Variants in NAA11 observed in about 807,000 individuals in gnomAD.
NAA11 encodes N-alpha-acetyltransferase 11.
A neutral mutation model predicts 16.1 loss-of-function variants in NAA11; 15 were observed. That is an observed-to-expected ratio of 0.93 (90% CI 0.62 to 1.44). The LOEUF is 1.44. Among genes scored for constraint, NAA11 ranks in the 40% most tolerant of loss-of-function variants. The pLI is 0.00. For missense variants in NAA11, 298 were observed against 291.3 expected, an observed-to-expected ratio of 1.02 and a Z score of -0.17; for synonymous variants, 122 against 112.4, an observed-to-expected ratio of 1.09 and a Z score of -0.54.
At chr4:79,272,675 A>T (rs1485898583) in intron 2 of NAA11, among the ~76,000 whole-genome samples, 1 of 152,070 alleles carries the variant, frequency 6.6e-6, no homozygotes, top group Non-Finnish European at 1.5e-5. Flanking sequence ...AGTATTATAG[A>T]GTAATGCTAA....
At chr4:79,277,347 G>A (rs1391718515) in intron 2 of NAA11, among the ~76,000 whole-genome samples, 1 of 152,014 alleles carries the variant, frequency 6.6e-6, no homozygotes, top group Non-Finnish European at 1.5e-5. Context: ...TCATAAAAAT[G>A]GCACTTACTA....
rs763918885 is a variant in NAA11 at position 79,325,384 on chromosome 4, T to C, written c.494A>G (p.Lys165Arg). 5 of 1,614,094 alleles carry C rather than the reference T, an allele frequency of 3.1e-6. No homozygotes were observed. Among genetic ancestry groups the C allele is most frequent in the South Asian group, 1.1e-5 (1 of 91,080 alleles). The change falls in exon 1 of 2, where the codon AAG (lysine) becomes AGG (arginine). Residue 165 changes from lysine to arginine, a missense_variant. Coordinates refer to ENST00000286794, the MANE Select transcript of NAA11 (RefSeq NM_032693.3). Reference sequence around the variant, plus strand: ...GCCCAGGACCACATACCCGCCCTTCTTCAGGTCCATTTGTCGTCTCAGCTC... The same window carrying C: ...GCCCAGGACCACATACCCGCCCTTCCTCAGGTCCATTTGTCGTCTCAGCTC... ...ADELRRQMDL[K>R]KGGYVVLGSR... is the part of the protein sequence containing the mutation.
chr4:79,287,834 A>C (rs1722978212), intron 2 of NAA11, among the ~76,000 whole-genome samples: 1 of 152,256 alleles, frequency 6.6e-6, no homozygotes, highest in Non-Finnish European at 1.5e-5. Context: ...GCATTTTCCC[A>C]CATTTTTTTC....
the NAA11 span, among the ~76,000 whole-genome samples, chr4:79,207,697 G>A: frequency 6.6e-6 from 1 of 152,102 alleles, no homozygotes; most frequent in African/African-American, 2.4e-5. Flanking sequence ...GATCAAGAAA[G>A]TTACACTTCA....
chr4:79,318,784 T>A (rs1416456121), intron 1 of NAA11, among the ~76,000 whole-genome samples: 1 of 152,208 alleles, frequency 6.6e-6, no homozygotes, highest in African/African-American at 2.4e-5. Flanking sequence ...GTTTTAGTTA[T>A]CTCAGTAAAT....
chr4:79,157,510 T>C, the NAA11 span, among the ~76,000 whole-genome samples: 2 of 151,966 alleles, frequency 1.3e-5, no homozygotes, highest in East Asian at 1.9e-4. Flanking sequence ...TATATGTATG[T>C]ATATATACAT....
At chr4:79,283,176 T>C (rs1034614216) in intron 2 of NAA11, among the ~76,000 whole-genome samples, 1 of 151,862 alleles carries the variant, frequency 6.6e-6, no homozygotes, top group Non-Finnish European at 1.5e-5. Context: ...AAATAGAAGG[T>C]AATGCAATAG....
chr4:79,192,817 T>C, the NAA11 span, among the ~76,000 whole-genome samples: 2 of 150,144 alleles, frequency 1.3e-5, no homozygotes, highest in Non-Finnish European at 3.0e-5. Flanking sequence ...ACTTCCACAA[T>C]GGTTGAACTA....
At chr4:79,252,808 C>T (rs1048799278) in intron 2 of NAA11, among the ~76,000 whole-genome samples, 1 of 152,116 alleles carries the variant, frequency 6.6e-6, no homozygotes, top group Non-Finnish European at 1.5e-5. Context: ...TCACACAGGT[C>T]CCTGAGGGCC....
chr4:79,173,368 C>A, the NAA11 span, among the ~76,000 whole-genome samples: 2 of 152,018 alleles, frequency 1.3e-5, no homozygotes, highest in African/African-American at 4.8e-5. Flanking sequence ...ACATTTTATA[C>A]TCACTGGGAG....
intron 2 of NAA11, among the ~76,000 whole-genome samples, chr4:79,268,367 A>G (rs1358900697): frequency 2.6e-5 from 4 of 152,160 alleles, no homozygotes; most frequent in Non-Finnish European, 5.9e-5. Flanking sequence ...TTTAGTATGA[A>G]TGAAAGATTG....
intron 2 of NAA11, among the ~76,000 whole-genome samples, chr4:79,287,718 C>A (rs1035670455): frequency 2.6e-5 from 4 of 151,732 alleles, no homozygotes; most frequent in African/African-American, 9.7e-5. Flanking sequence ...AGAGAGAGCA[C>A]CCCTGGAATT....
At chr4:79,231,677 C>T (rs1330364980) in intron 2 of NAA11, among the ~76,000 whole-genome samples, 1 of 151,774 alleles carries the variant, frequency 6.6e-6, no homozygotes, top group Admixed American at 6.6e-5. Flanking sequence ...ATAATATGTG[C>T]ATCCTAATGA....
chr4:79,173,898 G>A, the NAA11 span, among the ~76,000 whole-genome samples: 13 of 152,266 alleles, frequency 8.5e-5, no homozygotes, highest in South Asian at 6.2e-4. Flanking sequence ...TTGAGCCATT[G>A]AAGTTTGGGG....
the NAA11 span, among the ~76,000 whole-genome samples, chr4:79,195,278 C>T: frequency 2.6e-5 from 4 of 152,038 alleles, no homozygotes; most frequent in Admixed American, 6.6e-5. Context: ...ACAGCAAATG[C>T]TCACTTAGCA....
chr4:79,264,344 T>A (rs181286753), intron 2 of NAA11, among the ~76,000 whole-genome samples: 85 of 152,322 alleles, frequency 5.6e-4, no homozygotes, highest in Middle Eastern at 3.4e-3. Flanking sequence ...TAAATTTTTT[T>A]AAAAATTTGT....
intron 1 of NAA11, among the ~76,000 whole-genome samples, chr4:79,296,295 G>A (rs1723219230): frequency 6.6e-6 from 1 of 152,172 alleles, no homozygotes; most frequent in Admixed American, 6.5e-5. Flanking sequence ...AACTTGTCCA[G>A]AGTTACACAG....
intron 2 of NAA11, among the ~76,000 whole-genome samples, chr4:79,284,495 A>G (rs191300111): frequency 6.6e-6 from 1 of 152,240 alleles, no homozygotes; most frequent in East Asian, 1.9e-4. Flanking sequence ...TAAAAAATCT[A>G]CCATTAGTCA....
At chr4:79,266,237 G>A (rs889557196) in intron 2 of NAA11, among the ~76,000 whole-genome samples, 8 of 152,136 alleles carry the variant, frequency 5.3e-5, no homozygotes, top group African/African-American at 1.7e-4. Context: ...ATCGGCACTC[G>A]CAGAGATAAA....
Sources: allele counts gnomAD v4.1 joint callset (sites outside exome capture counted in the v4.1 genomes callset), GRCh38; gene constraint gnomAD v4.1.1; transcripts MANE v1.5; gene names NCBI Gene and HGNC (gene_info 2026-07-23, HGNC 2026-07-21).